The following ALPK2 variants were observed in gnomAD, a reference collection of about 807,000 sequenced individuals.
ALPK2 encodes the protein alpha-protein kinase 2.
In ALPK2, 127 loss-of-function variants were observed where a neutral mutation model predicts 163.1. That is an observed-to-expected ratio of 0.78 (90% CI 0.67 to 0.90). The LOEUF (loss-of-function observed/expected upper bound fraction) is 0.90. Ranked by LOEUF, ALPK2 falls within the 40% of genes least tolerant of loss-of-function variation. The pLI, the probability that ALPK2 is intolerant of heterozygous loss-of-function variation, is 0.00. For synonymous variants in ALPK2, 953 were observed against 959.1 expected, an observed-to-expected ratio of 0.99 and a Z score of 0.12; for missense variants, 2,360 against 2,589.6, an observed-to-expected ratio of 0.91 and a Z score of 1.92.
intron 3 of ALPK2, among the ~76,000 whole-genome samples, chr18:58,587,335 T>A (rs902065383): frequency 3.9e-5 from 6 of 152,212 alleles, no homozygotes; most frequent in Non-Finnish European, 7.3e-5. Context: ...CACGTTACAT[T>A]GTTTAAAATG....
intron 10 of ALPK2, 79 bp downstream of exon 10, chr18:58,514,914 C>G: frequency 9.1e-7 from 1 of 1,099,362 alleles, no homozygotes; most frequent in Non-Finnish European, 1.3e-6. Context: ...ACTTGCCCTA[C>G]TGTTCCTTCT....
In ALPK2 at chr18:58,537,749, C is replaced by T; in HGVS notation, c.2438G>A (p.Gly813Glu). ...AMECFEAGDQ[G>E]TCFDTIDSLV... is the part of the protein sequence containing the mutation. ...AGAATCTATGGTATCAAAACACGTTCCTTGGTCACCAGCCTCAAAACACTC... is the reference window on the plus strand; with the variant it reads ...AGAATCTATGGTATCAAAACACGTTTCTTGGTCACCAGCCTCAAAACACTC... The change falls in exon 5 of 13, where the codon GGA becomes GAA. Residue 813 changes from glycine (G) to glutamate (E), a missense_variant. By Grantham distance (98) the Gly-to-Glu change is moderately conservative. Transcript: ENST00000361673. 1 of 1,614,106 alleles carries T rather than the reference C, an allele frequency of 6.2e-7. No individual in the cohort carries two copies. Among genetic ancestry groups the T allele is most frequent in the Non-Finnish European group, 8.5e-7 (1 of 1,179,976 alleles).
In ALPK2 at chr18:58,594,009, T is replaced by G. The variant is rs922750940; in HGVS notation, c.227+13313A>C. 3.3e-5 allele frequency among the ~76,000 whole-genome samples: 5 copies of G among 151,474 alleles called. No homozygotes were observed. The East Asian group carries it at 9.6e-4, about 29-fold the overall frequency. ...GGGGTGAAACCTTCACCATCAGTTT[T>G]TTTTTTAAGGTTTCTAGGCTATTCC... On this transcript the variant is annotated intron_variant, in intron 3 of 12. Transcript: ENST00000361673.
At chr18:58,625,763 G>C (rs1047558252) in intron 1 of ALPK2, among the ~76,000 whole-genome samples, 3 of 152,214 alleles carry the variant, frequency 2.0e-5, no homozygotes, top group African/African-American at 7.2e-5. Flanking sequence ...CAGTGGAAGG[G>C]CTGGCCCTTG....
At chr18:58,512,843 ATGTGGTGTGTGTGTGGTGTGTTGTATG>A (rs1568070803) in intron 10 of ALPK2, among the ~76,000 whole-genome samples, 1 of 72,858 alleles carries the variant, frequency 1.4e-5, no homozygotes, top group Non-Finnish European at 2.7e-5. Flanking sequence ...GTGTGTGTGT[ATGTGGTGTGTGTGTGGTGTGTTGTATG>A]TGTGGTGTGT....
chr18:58,534,877 C>T lies in ALPK2; in HGVS notation c.5310G>A (p.Glu1770=). ...KLETSLSHTE[E]KQDPKKPSCK... is the part of the protein sequence containing the mutation. Reference sequence around the variant, plus strand: ...AAGATGGCTTTTTTGGGTCTTGTTTCTCTTCTGTGTGTGATAATGATGTTT... The same window carrying T: ...AAGATGGCTTTTTTGGGTCTTGTTTTTCTTCTGTGTGTGATAATGATGTTT... The change falls in exon 5 of 13, where the codon GAG becomes GAA. Residue 1770 remains glutamate, a synonymous_variant. Coordinates refer to ENST00000361673, the MANE Select transcript of ALPK2 (RefSeq NM_052947.4). 1 of 1,612,730 alleles carries T rather than the reference C, an allele frequency of 6.2e-7. No individual in the cohort carries two copies.
chr18:58,536,873 T>A lies in ALPK2; in HGVS notation c.3314A>T (p.Asn1105Ile). 6.2e-7 allele frequency: 1 copy of A among 1,614,156 alleles called. No homozygotes were observed. The highest frequency in any genetic ancestry group is 8.5e-7 in the Non-Finnish European group (1 of 1,180,018). ...FCSNSPLQVD[N>I]LSGDKSQTVD... Reference sequence around the variant, plus strand: ...AGTCTGGCTCTTATCTCCAGACAGGTTATCAACCTGAAGAGGGGAATTACT... The same window carrying A: ...AGTCTGGCTCTTATCTCCAGACAGGATATCAACCTGAAGAGGGGAATTACT... Residue 1105 changes from asparagine to isoleucine, a missense_variant, in exon 5 of 13, where the codon AAC (asparagine) becomes ATC (isoleucine). Physicochemically the swap from Asn to Ile is moderately radical, Grantham distance 149. Coordinates refer to ENST00000361673, the MANE Select transcript of ALPK2 (RefSeq NM_052947.4).
Position 58,535,057 on chromosome 18 carries a change from C to G in ALPK2, c.5130G>C (p.Glu1710Asp), listed in dbSNP as rs752626318. 1.2e-6 allele frequency: 2 copies of G among 1,613,940 alleles called. No individual in the cohort carries two copies. The highest frequency in any genetic ancestry group is 1.7e-6 in the Non-Finnish European group (2 of 1,180,000). The change falls in exon 5 of 13, where the codon GAG (glutamate) becomes GAC (aspartate). Residue 1710 changes from glutamate (E) to aspartate (D), a missense_variant. By Grantham distance (45) the Glu-to-Asp change is conservative (BLOSUM62 2). Coordinates refer to ENST00000361673, the MANE Select transcript of ALPK2 (RefSeq NM_052947.4). ...GTLTAVTGSE[E>D]VKRKPEAPGS... Reference sequence around the variant, plus strand: ...CTGGGGCTTCTGGCTTCCTCTTGACCTCCTCTGACCCCGTCACTGCTGTGA... The same window carrying G: ...CTGGGGCTTCTGGCTTCCTCTTGACGTCCTCTGACCCCGTCACTGCTGTGA...
chr18:58,537,846 G>A lies in ALPK2; in HGVS notation c.2341C>T (p.Pro781Ser), dbSNP rs759808357. 20 of 1,614,126 alleles carry A rather than the reference G, an allele frequency of 1.2e-5. No individual in the cohort carries two copies. The highest frequency in any genetic ancestry group is 1.6e-4 in the Middle Eastern group (1 of 6,062). ...TCCAGGGTGAGGGCAGTATCTGTGGGTTCAGGGGAAGCAACAGAGACAGCC... is the reference window on the plus strand; with the variant it reads ...TCCAGGGTGAGGGCAGTATCTGTGGATTCAGGGGAAGCAACAGAGACAGCC... ...PVAVSVASPE[P>S]TDTALTLENV... Residue 781 changes from proline to serine, a missense_variant, in exon 5 of 13, where the codon CCC (proline) becomes TCC (serine). Physicochemically the swap from Pro to Ser is moderately conservative, Grantham distance 74. Transcript: ENST00000361673.
At chr18:58,546,735 CTTCTT>C (rs1174878810) in intron 4 of ALPK2, among the ~76,000 whole-genome samples, 5 of 152,156 alleles carry the variant, frequency 3.3e-5, no homozygotes, top group Non-Finnish European at 7.3e-5. Context: ...AAACGGCTGT[CTTCTT>C]TTCCTGCATG....
At chr18:58,570,707 A>G (rs951432084) in intron 4 of ALPK2, among the ~76,000 whole-genome samples, 1 of 152,136 alleles carries the variant, frequency 6.6e-6, no homozygotes, top group Non-Finnish European at 1.5e-5. Context: ...AAATCAGTCA[A>G]TCCTCATATT....
chr18:58,578,128 A>G (rs1389274487), intron 4 of ALPK2: 2 of 152,230 alleles, frequency 1.3e-5, no homozygotes, highest in South Asian at 4.1e-4. Flanking sequence ...ACACTCCCAA[A>G]TCAGTAATAA....
intron 8 of ALPK2, among the ~76,000 whole-genome samples, chr18:58,522,441 C>T (rs1289608701): frequency 5.9e-5 from 9 of 152,218 alleles, no homozygotes; most frequent in Non-Finnish European, 1.2e-4. Context: ...AGGGAAGACA[C>T]GGCAAACACA....
chr18:58,618,498 A>G (rs1185767267), intron 1 of ALPK2, among the ~76,000 whole-genome samples: 1 of 152,220 alleles, frequency 6.6e-6, no homozygotes, highest in African/African-American at 2.4e-5. Context: ...TCTCTGCCTC[A>G]GTCACTTCTT....
chr18:58,490,700 C>T (rs2051370140), intron 12 of ALPK2, among the ~76,000 whole-genome samples: 1 of 152,178 alleles, frequency 6.6e-6, no homozygotes, highest in African/African-American at 2.4e-5. Context: ...AGGTGCCCCA[C>T]CTTCAATGAG....
At chr18:58,550,408 T>TCTCCATCTCCATCACCTACAACCCCATC (rs1568082512) in intron 4 of ALPK2, among the ~76,000 whole-genome samples, 1 of 4,454 alleles carries the variant, frequency 2.2e-4, no homozygotes, top group Non-Finnish European at 5.6e-4. Flanking sequence ...TACAACCCCA[T>TCTCCATCTCCATCACCTACAACCCCATC]CCCATTTCCA....
intron 4 of ALPK2, among the ~76,000 whole-genome samples, chr18:58,561,872 G>A (rs986273400): frequency 2.0e-5 from 3 of 152,210 alleles, no homozygotes; most frequent in Non-Finnish European, 1.5e-5. Flanking sequence ...GAACCTAGGT[G>A]GACTGAGTAG....
In ALPK2 at chr18:58,535,343, T is replaced by A; in HGVS notation, c.4844A>T (p.Glu1615Val). The A allele has an allele frequency of 6.2e-7, 1 of 1,614,160 alleles. No homozygotes were observed. Among genetic ancestry groups the A allele is most frequent in the Non-Finnish European group, 8.5e-7 (1 of 1,180,028 alleles). The change falls in exon 5 of 13, where the codon GAA (glutamate) becomes GTA (valine). Residue 1615 changes from glutamate to valine, a missense_variant. Glu to Val is a moderately radical substitution (Grantham distance 121). Transcript: ENST00000361673. ...TATCAAAAAGTCTGTGACATTTCCT[T>A]CAGGAGATGAAGTACAAGGGAACCT... Reference protein sequence around the residue: ...LTRFPCTSSPEGNVTDFLISH... With the variant: ...LTRFPCTSSPVGNVTDFLISH...
At chr18:58,565,166 TGAACATTTCCTTA>T (rs142522818) in intron 4 of ALPK2, among the ~76,000 whole-genome samples, 3,295 of 152,354 alleles carry the variant, frequency 0.022, 63 homozygotes, top group East Asian at 0.088. Flanking sequence ...CAGTTACCCA[TGAACATTTCCTTA>T]GAAACGTTTC....
Sources: gnomAD v4.1 joint callset for allele counts (sites outside exome capture counted in the v4.1 genomes callset) on GRCh38, gnomAD v4.1.1 for gene constraint, MANE v1.5 for transcripts, NCBI Gene and HGNC (gene_info 2026-07-23, HGNC 2026-07-21) for gene names.